CABIN1: variants seen among roughly 807,000 people sequenced by gnomAD.
CABIN1 encodes the protein calcineurin-binding protein cabin-1.
CABIN1 carries 133 observed loss-of-function variants against 227.7 expected under a neutral mutation model. The observed-to-expected ratio is 0.58, with a 90% confidence interval of 0.51 to 0.67. CABIN1 has a LOEUF of 0.67. CABIN1 is among the 30% of genes least tolerant of loss of function. The pLI is 0.00. For synonymous variants in CABIN1, 1,086 were observed against 1,155.1 expected, an observed-to-expected ratio of 0.94 and a Z score of 1.21; for missense variants, 2,408 against 2,852.5, an observed-to-expected ratio of 0.84 and a Z score of 3.55.
rs144331024 is a variant in CABIN1, at chr22:24,119,581, G to A, written c.4515G>A (p.Arg1505=). The change falls in exon 28 of 37, where the codon CGG becomes CGA. Residue 1505 remains arginine, a synonymous_variant. Transcript: ENST00000263119. ...TGCCGGCTGGTGCTGAGGAGCAGCG[G>A]CAGTTTCTCACAGAGCAGTGCATCG... ...QGLPAGAEEQ[R]QFLTEQCIAS... 82 of 1,613,418 alleles carry A rather than the reference G, an allele frequency of 5.1e-5. No individual in the cohort carries two copies. The highest frequency in any genetic ancestry group is 1.7e-4 in the Middle Eastern group (1 of 6,048).
chr22:24,019,650 CTTTTTTTTTTT>C (rs34361694), intron 1 of CABIN1, among the ~76,000 whole-genome samples: 2 of 87,024 alleles, frequency 2.3e-5, no homozygotes, highest in Non-Finnish European at 4.2e-5. Context: ...TTTCTTTACC[CTTTTTTTTTTT>C]TTTTTTTTTT....
chr22:24,034,906 G>C (rs2036756812), intron 1 of CABIN1, among the ~76,000 whole-genome samples: 1 of 152,178 alleles, frequency 6.6e-6, no homozygotes, highest in Admixed American at 6.6e-5. Flanking sequence ...CATGGCCTCT[G>C]TGTTGTCACT....
chr22:24,075,743 CTTAAAAAAAAAAA>C, intron 18 of CABIN1, among the ~76,000 whole-genome samples: 1 of 151,518 alleles, frequency 6.6e-6, no homozygotes, highest in East Asian at 1.9e-4. Flanking sequence ...GACCCTATCT[CTTAAAAAAAAAAA>C]TTTTTTTTTT....
At chr22:24,078,478 T>C (rs2040586683) in intron 19 of CABIN1, among the ~76,000 whole-genome samples, 1 of 152,098 alleles carries the variant, frequency 6.6e-6, no homozygotes, top group South Asian at 2.1e-4. Context: ...ATCTTGAGAG[T>C]GATTTGAGGC....
chr22:24,151,511 C>T (rs900689416), intron 29 of CABIN1, among the ~76,000 whole-genome samples: 1 of 152,152 alleles, frequency 6.6e-6, no homozygotes, highest in Non-Finnish European at 1.5e-5. Context: ...GATCCGGGCT[C>T]CCCTCCTGAG....
At chr22:24,074,540 A>G (rs2040308473) in intron 18 of CABIN1, among the ~76,000 whole-genome samples, 1 of 152,202 alleles carries the variant, frequency 6.6e-6, no homozygotes, top group African/African-American at 2.4e-5. Context: ...TGGCAGAGGC[A>G]GGAAGAGCCA....
intron 1 of CABIN1, among the ~76,000 whole-genome samples, chr22:24,015,349 CTT>C (rs1217870587): frequency 6.3e-5 from 8 of 127,156 alleles, no homozygotes; most frequent in Non-Finnish European, 5.0e-5. Flanking sequence ...CTTCTTCATT[CTT>C]TTTTTTTTTT....
At position 24,054,220 on chromosome 22, in the gene CABIN1, C is replaced by T. The variant is rs919169081; in HGVS notation, c.807-653C>T. 2.6e-5 allele frequency among the ~76,000 whole-genome samples: 4 copies of T among 152,274 alleles called. 1 individual carries two copies. Among genetic ancestry groups the T allele is most frequent in the Admixed American group, 2.6e-4 (4 of 15,300 alleles). ...GGATACATTGTAGCATACCACGCAG[C>T]ATAGTAGACAACACACAACCTTGAA... On this transcript the variant is annotated intron_variant, in intron 8 of 36. Coordinates refer to ENST00000263119, the MANE Select transcript of CABIN1 (RefSeq NM_012295.4).
intron 29 of CABIN1, chr22:24,155,906 GCAAAAGT>G (rs1172799230): frequency 2.0e-6 from 1 of 488,458 alleles, no homozygotes; most frequent in African/African-American, 2.1e-5. Context: ...GGATTGGCCG[GCAAAAGT>G]CAGTTGCGCT....
chr22:24,128,720 C>T (rs917815445), intron 28 of CABIN1, among the ~76,000 whole-genome samples: 7 of 152,218 alleles, frequency 4.6e-5, no homozygotes, highest in Admixed American at 6.5e-5. Context: ...CCATCTGTGC[C>T]CCCGTGCCAA....
Position 24,035,525 on chromosome 22 carries a change from G to A in CABIN1, c.3+5G>A. ...TGCTGAATCTCTCTGAATATGGTAAGGACTGATGCCTGCCTATTTTGCGGA... is the reference window on the plus strand; with the variant it reads ...TGCTGAATCTCTCTGAATATGGTAAAGACTGATGCCTGCCTATTTTGCGGA... On this transcript the variant is annotated splice_donor_5th_base_variant and intron_variant, in intron 2 of 36. Transcript: ENST00000263119. 1 of 1,614,132 alleles carries A rather than the reference G, an allele frequency of 6.2e-7. No homozygotes were observed. Among genetic ancestry groups the A allele is most frequent in the Non-Finnish European group, 8.5e-7 (1 of 1,180,022 alleles).
Position 24,083,291 on chromosome 22 carries a change from G to T in CABIN1, c.2812G>T (p.Glu938Ter), listed in dbSNP as rs1473728497. The change falls in exon 20 of 37, where the codon GAG (glutamate) becomes TAG (stop). Residue 938 changes from glutamate (E) to a stop codon, truncating the protein, a stop_gained. Coordinates refer to ENST00000263119, the MANE Select transcript of CABIN1 (RefSeq NM_012295.4). LOFTEE classifies it high-confidence loss of function. ...TSEDTHPYKE[E>*]LETALEQCFY... ...TGAAGACACGCACCCTTACAAGGAG[G>T]AGCTGGAGACAGCCTTGGAGCAGTG... 1 of 1,613,534 alleles carries T rather than the reference G, an allele frequency of 6.2e-7. No homozygotes were observed. Among genetic ancestry groups the T allele is most frequent in the Non-Finnish European group, 8.5e-7 (1 of 1,180,034 alleles).
chr22:24,108,645 G>T (rs1602129835), intron 26 of CABIN1, among the ~76,000 whole-genome samples: 3 of 152,324 alleles, frequency 2.0e-5, no homozygotes. Flanking sequence ...TGAAGGAAGG[G>T]CTATGGCAGG....
intron 17 of CABIN1, 68 bp downstream of exon 17, chr22:24,071,110 C>G: frequency 6.2e-7 from 1 of 1,604,356 alleles, no homozygotes; most frequent in Non-Finnish European, 8.5e-7. Flanking sequence ...CCTGCTTCTT[C>G]AGTAGTTCAT....
At chr22:24,116,178 GGC>G (rs2043074346) in intron 27 of CABIN1, among the ~76,000 whole-genome samples, 2 of 152,150 alleles carry the variant, frequency 1.3e-5, no homozygotes, top group African/African-American at 2.4e-5. Context: ...CTTTGCAGGG[GGC>G]AGAGCTTCAA....
chr22:24,064,267 G>A, intron 15 of CABIN1, 80 bp downstream of exon 15: 1 of 1,462,782 alleles, frequency 6.8e-7, no homozygotes, highest in Non-Finnish European at 9.5e-7. Flanking sequence ...GTGTAATAGT[G>A]CAATCTCGGC....
intron 25 of CABIN1, 69 bp downstream of exon 25, chr22:24,096,151 C>T: frequency 6.5e-7 from 1 of 1,542,580 alleles, no homozygotes; most frequent in Non-Finnish European, 9.0e-7. Context: ...TCGTTTACTG[C>T]AATGTGTTGT....
At chr22:24,093,993 G>C (rs1039888894) in intron 24 of CABIN1, among the ~76,000 whole-genome samples, 1 of 152,210 alleles carries the variant, frequency 6.6e-6, no homozygotes, top group Admixed American at 6.5e-5. Flanking sequence ...GCTTGGCTGC[G>C]CTCATTCGCG....
intron 28 of CABIN1, among the ~76,000 whole-genome samples, chr22:24,124,355 T>G (rs146498663): frequency 0.01 from 1,555 of 152,322 alleles, 28 homozygotes; most frequent in Middle Eastern, 0.041. Context: ...TGCCAGGCCC[T>G]CTGAGGGCTC....
Sources: gnomAD v4.1 joint callset for allele counts (sites outside exome capture counted in the v4.1 genomes callset) on GRCh38, gnomAD v4.1.1 for gene constraint, MANE v1.5 for transcripts, NCBI Gene and HGNC (gene_info 2026-07-23, HGNC 2026-07-21) for gene names.